The following SLC26A7 variants were observed in gnomAD, a reference collection of about 807,000 sequenced individuals.
SLC26A7 encodes the protein anion exchange transporter.
In SLC26A7, 59 loss-of-function variants were observed where a neutral mutation model predicts 82.5. The ratio of observed to expected loss-of-function variants is 0.72; its 90% CI spans 0.58 to 0.89. The LOEUF is 0.89. SLC26A7 is among the 40% of genes least tolerant of loss of function. The probability of loss-of-function intolerance (pLI) is 0.00; values close to 1 mark genes in which losing one functional copy is unlikely to be tolerated. For synonymous variants in SLC26A7, 271 were observed against 274.3 expected, an observed-to-expected ratio of 0.99 and a Z score of 0.12; for missense variants, 820 against 793.0, an observed-to-expected ratio of 1.03 and a Z score of -0.41.
At chr8:91,277,411 A>C (rs1425308052) in intron 2 of SLC26A7, among the ~76,000 whole-genome samples, 1 of 152,182 alleles carries the variant, frequency 6.6e-6, no homozygotes, top group Non-Finnish European at 1.5e-5. Context: ...ATATTTTTTC[A>C]TGCTCATATA....
At chr8:91,301,458 C>T (rs1275778452) in intron 4 of SLC26A7, among the ~76,000 whole-genome samples, 1 of 151,994 alleles carries the variant, frequency 6.6e-6, no homozygotes, top group African/African-American at 2.4e-5. Context: ...TCTTTATTTT[C>T]TTGGAAAATT....
chr8:91,324,786 G>T (rs574209693), intron 5 of SLC26A7, among the ~76,000 whole-genome samples: 2 of 152,186 alleles, frequency 1.3e-5, no homozygotes, highest in East Asian at 3.8e-4. Flanking sequence ...AGTGACAGGG[G>T]TGGGTCTGCT....
intron 5 of SLC26A7, among the ~76,000 whole-genome samples, chr8:91,332,345 T>A (rs1813108978): frequency 7.4e-6 from 1 of 134,490 alleles, no homozygotes; most frequent in Non-Finnish European, 1.6e-5. Context: ...ATATATAATA[T>A]ATATAAATTT....
At position 91,363,463 on chromosome 8, in the gene SLC26A7, T is replaced by C. The variant is rs1814105052; in HGVS notation, c.1422-9T>C. 2.0e-6 allele frequency: 3 copies of C among 1,476,960 alleles called. No homozygotes were observed. The highest frequency in any genetic ancestry group is 2.4e-5 in the South Asian group (2 of 81,682). The allele number at this position is 1,476,960 out of a possible 1,614,324, so 91.5% of individuals were successfully genotyped here. Reference sequence around the variant, plus strand: ...GACTTGTTTTATTTTCTATCTGCTTTAATTTCAGAGCAATGACTGTAAGTA... The same window carrying C: ...GACTTGTTTTATTTTCTATCTGCTTCAATTTCAGAGCAATGACTGTAAGTA... On this transcript the variant is annotated splice_polypyrimidine_tract_variant and intron_variant, in intron 12 of 18. Coordinates refer to ENST00000276609, the MANE Select transcript of SLC26A7 (RefSeq NM_052832.4).
intron 4 of SLC26A7, among the ~76,000 whole-genome samples, chr8:91,302,194 G>C (rs1812184502): frequency 6.6e-6 from 1 of 152,034 alleles, no homozygotes; most frequent in African/African-American, 2.4e-5. Flanking sequence ...AGAGTGTAAA[G>C]ATCAGTATAT....
chr8:91,249,675 GA>G lies in SLC26A7; in HGVS notation c.28del (p.Ser10AlafsTer34). 1.3e-6 allele frequency: 2 copies of G among 1,549,862 alleles called. No homozygotes were observed. Among genetic ancestry groups the G allele is most frequent in the Middle Eastern group, 3.5e-4 (2 of 5,792 alleles). On this transcript the variant is annotated frameshift_variant, in exon 2 of 19. Transcript: ENST00000276609. LOFTEE classifies it high-confidence loss of function. MTGAKRKK[K>X]SMLWSKMHTP... Reference sequence around the variant, plus strand: ...AAATGACAGGAGCAAAGAGGAAAAAGAAAAGCATGCTTTGGAGCAAGATGCA... The same window carrying G: ...AAATGACAGGAGCAAAGAGGAAAAAGAAAGCATGCTTTGGAGCAAGATGCA...
chr8:91,324,237 A>G (rs1812874992), intron 5 of SLC26A7, among the ~76,000 whole-genome samples: 1 of 152,266 alleles, frequency 6.6e-6, no homozygotes, highest in Non-Finnish European at 1.5e-5. Context: ...GTATAATGAT[A>G]TAGGCAAAGT....
intron 2 of SLC26A7, among the ~76,000 whole-genome samples, chr8:91,260,447 G>T (rs747284651): frequency 5.9e-5 from 9 of 152,074 alleles, no homozygotes; most frequent in Non-Finnish European, 1.2e-4. Context: ...CATATCAATT[G>T]CCTAAGCCAT....
intron 16 of SLC26A7, among the ~76,000 whole-genome samples, chr8:91,392,685 G>C (rs184038961): frequency 2.4e-4 from 36 of 152,240 alleles, no homozygotes; most frequent in Middle Eastern, 3.4e-3. Flanking sequence ...CATAAGAAAC[G>C]TTCTCTTGGG....
chr8:91,358,635 C>T (rs920666209), intron 11 of SLC26A7, among the ~76,000 whole-genome samples: 2 of 152,052 alleles, frequency 1.3e-5, no homozygotes, highest in Non-Finnish European at 2.9e-5. Context: ...TGGCCGCACA[C>T]ATATGTTTGT....
intron 8 of SLC26A7, among the ~76,000 whole-genome samples, chr8:91,342,008 G>T (rs1813430860): frequency 6.6e-6 from 1 of 151,966 alleles, no homozygotes; most frequent in African/African-American, 2.4e-5. Flanking sequence ...GCTCACTGCG[G>T]CCTCAACCTC....
At chr8:91,312,346 A>G (rs970340774) in intron 4 of SLC26A7, among the ~76,000 whole-genome samples, 1 of 152,166 alleles carries the variant, frequency 6.6e-6, no homozygotes, top group African/African-American at 2.4e-5. Flanking sequence ...TTGTTTATCC[A>G]TTCATCCACT....
intron 2 of SLC26A7, among the ~76,000 whole-genome samples, chr8:91,225,175 G>A (rs1410741791): frequency 6.6e-6 from 1 of 152,232 alleles, no homozygotes; most frequent in Non-Finnish European, 1.5e-5. Context: ...GGCTTAGACA[G>A]CAGGCAGTGG....
intron 3 of SLC26A7, among the ~76,000 whole-genome samples, chr8:91,291,733 C>T (rs182317190): frequency 9.2e-5 from 14 of 152,280 alleles, no homozygotes; most frequent in African/African-American, 3.4e-4. Context: ...TTACATAAGA[C>T]TCTATATTTA....
At chr8:91,284,879 G>C (rs912512005) in intron 2 of SLC26A7, among the ~76,000 whole-genome samples, 1 of 152,184 alleles carries the variant, frequency 6.6e-6, no homozygotes, top group Non-Finnish European at 1.5e-5. Context: ...CAAGTGATTT[G>C]ATCCTGTGCA....
At chr8:91,301,446 A>C (rs1190630965) in intron 4 of SLC26A7, among the ~76,000 whole-genome samples, 1 of 152,096 alleles carries the variant, frequency 6.6e-6, no homozygotes, top group Non-Finnish European at 1.5e-5. Context: ...CAGAATTGGA[A>C]ATCTTTATTT....
chr8:91,357,698 G>T (rs1356149923), intron 11 of SLC26A7, among the ~76,000 whole-genome samples: 1 of 151,558 alleles, frequency 6.6e-6, no homozygotes, highest in Non-Finnish European at 1.5e-5. Flanking sequence ...CATAGGCATG[G>T]GCAAGGACTT....
At chr8:91,355,353 T>A (rs1043607284) in intron 11 of SLC26A7, among the ~76,000 whole-genome samples, 3 of 152,146 alleles carry the variant, frequency 2.0e-5, no homozygotes, top group Admixed American at 6.5e-5. Flanking sequence ...CTAATATATC[T>A]TTGAATATTT....
At chr8:91,273,309 A>T (rs1400716560) in intron 2 of SLC26A7, among the ~76,000 whole-genome samples, 1 of 152,138 alleles carries the variant, frequency 6.6e-6, no homozygotes, top group Non-Finnish European at 1.5e-5. Flanking sequence ...TATCATAAAG[A>T]TGTATATATT....
Sources: allele counts gnomAD v4.1 joint callset (sites outside exome capture counted in the v4.1 genomes callset), GRCh38; gene constraint gnomAD v4.1.1; transcripts MANE v1.5; gene names NCBI Gene and HGNC (gene_info 2026-07-23, HGNC 2026-07-21).